COL4A3: variants seen among roughly 807,000 people sequenced by gnomAD.
COL4A3 encodes collagen alpha-3(IV) chain.
A neutral mutation model predicts 217.4 loss-of-function variants in COL4A3; 135 were observed. The ratio of observed to expected loss-of-function variants is 0.62; its 90% CI spans 0.54 to 0.72. The LOEUF is 0.72. COL4A3 is among the 30% of genes least tolerant of loss of function. The pLI is 0.00. For missense variants in COL4A3, 1,868 were observed against 2,119.9 expected (o/e 0.88, Z 2.33); for synonymous variants, 690 against 736.3 (o/e 0.94, Z 1.02).
intron 22 of COL4A3, 26 bp from the exon 23 acceptor site, chr2:227,266,967 G>A: frequency 1.3e-6 from 2 of 1,502,834 alleles, no homozygotes; most frequent in South Asian, 2.3e-5. Context: ...AGCTTTTTAA[G>A]TAATGCTAGT....
rs546634544 is a variant in COL4A3 at position 227,284,099 on chromosome 2, T to C, written c.2747-112T>C. The C allele has an allele frequency of 3.5e-6, 5 of 1,434,790 alleles. No homozygotes were observed. In the African/African-American group the frequency reaches 5.6e-5, roughly 16 times the overall value. The allele number at this position is 1,434,790 out of a possible 1,614,324, so 88.9% of individuals were successfully genotyped here. On this transcript the variant is annotated intron_variant, in intron 33 of 51. Coordinates refer to ENST00000396578, the MANE Select transcript of COL4A3 (RefSeq NM_000091.5). ...ACTATTTATCAAGTTCTCAGCACTG[T>C]TAGCCTTTTTTGTTTGATTTGTTCT...
rs7566682 is a variant in COL4A3, at chr2:227,289,421, A to G, written c.2980+173A>G. ...AGAAGGTGTTGATAGTTGGCGTGTC[A>G]TTAACTAACATACATTAACCTACAA... On this transcript the variant is annotated intron_variant, in intron 35 of 51. Coordinates refer to ENST00000396578, the MANE Select transcript of COL4A3 (RefSeq NM_000091.5). 0.81 allele frequency among the ~76,000 whole-genome samples: 122,828 copies of G among 152,110 alleles called. 50,784 individuals carry two copies. Among genetic ancestry groups the G allele is most frequent in the Non-Finnish European group, 0.91 (61,705 of 68,012 alleles).
At chr2:227,258,426 C>T (rs1302913774) in intron 18 of COL4A3, among the ~76,000 whole-genome samples, 2 of 152,196 alleles carry the variant, frequency 1.3e-5, no homozygotes, top group Admixed American at 6.5e-5. Context: ...CATAGAGCCC[C>T]TGTCTTAGTC....
intron 1 of COL4A3, among the ~76,000 whole-genome samples, chr2:227,193,468 CT>C (rs2066320615): frequency 6.6e-6 from 1 of 152,142 alleles, no homozygotes; most frequent in Non-Finnish European, 1.5e-5. Context: ...AATCCTAGCA[CT>C]TGGGGAGGCC....
chr2:227,218,769 T>G (rs1345024659), intron 1 of COL4A3, among the ~76,000 whole-genome samples: 1 of 152,244 alleles, frequency 6.6e-6, no homozygotes, highest in East Asian at 1.9e-4. Context: ...AGATATCTGA[T>G]GCTTAACGTT....
intron 11 of COL4A3, among the ~76,000 whole-genome samples, 185 bp downstream of exon 11, chr2:227,251,556 C>T (rs1388592536): frequency 6.6e-6 from 1 of 152,114 alleles, no homozygotes; most frequent in African/African-American, 2.4e-5. Flanking sequence ...TACCTTGATC[C>T]CTGATACAAA....
intron 34 of COL4A3, among the ~76,000 whole-genome samples, chr2:227,284,547 AT>A (rs1025196767): frequency 6.6e-5 from 10 of 152,256 alleles, no homozygotes; most frequent in African/African-American, 2.4e-4. Flanking sequence ...GATGTGTAAC[AT>A]TTTTATTTCT....
At chr2:227,239,996 T>C in intron 2 of COL4A3, 147 bp from the exon 3 acceptor site, 1 of 780,976 alleles carries the variant, frequency 1.3e-6, no homozygotes, top group South Asian at 1.5e-5. Context: ...CACTCCTGAG[T>C]GCTAATTATG....
chr2:227,164,865 G>A lies in COL4A3; in HGVS notation c.87+52G>A. 1.4e-6 allele frequency: 2 copies of A among 1,435,018 alleles called. No individual in the cohort carries two copies. Among genetic ancestry groups the A allele is most frequent in the Non-Finnish European group, 1.8e-6 (2 of 1,101,384 alleles). The allele number at this position is 1,435,018 out of a possible 1,614,324, so 88.9% of individuals were successfully genotyped here. On this transcript the variant is annotated intron_variant, in intron 1 of 51. Transcript: ENST00000396578. This position sits in a 1 kb window ranked among gnomAD's most constrained non-coding sequence, Gnocchi z 4.8. ...CCCCGCACTTCCATCCCTCCTCCAC[G>A]CGTCCGGGGGACGCGCTGGCCCCAC...
chr2:227,311,046 C>T, intron 51 of COL4A3, 98 bp downstream of exon 51: 1 of 1,297,916 alleles, frequency 7.7e-7, no homozygotes, highest in Admixed American at 1.7e-5. Flanking sequence ...TGATTTTGTA[C>T]TACTGTGCCA....
intron 1 of COL4A3, among the ~76,000 whole-genome samples, chr2:227,174,935 A>G (rs1300775399): frequency 6.6e-6 from 1 of 152,232 alleles, no homozygotes; most frequent in Non-Finnish European, 1.5e-5. Flanking sequence ...TGATGGAGTT[A>G]GAAGGCAGCA....
Position 227,223,230 on chromosome 2 carries a change from A to AG in COL4A3, c.88-14734dup, listed in dbSNP as rs763825679. On this transcript the variant is annotated intron_variant, in intron 1 of 51. Coordinates refer to ENST00000396578, the MANE Select transcript of COL4A3 (RefSeq NM_000091.5). Reference sequence around the variant, plus strand: ...CCTGCTCACTGAGGATGGGATCTCGAGGGGAAAAGTATGGTTACTAAAGAC... The same window carrying AG: ...CCTGCTCACTGAGGATGGGATCTCGAGGGGGAAAAGTATGGTTACTAAAGAC... Among the ~76,000 whole-genome samples the AG allele has an allele frequency of 3.3e-5, 5 of 152,202 alleles. No homozygotes were observed. In the East Asian group the frequency reaches 7.7e-4, roughly 24 times the overall value.
rs1485357053 is a variant in COL4A3 at position 227,240,232 on chromosome 2, G to A, written c.234G>A (p.Lys78=). 12 of 1,608,102 alleles carry A rather than the reference G, an allele frequency of 7.5e-6. No individual in the cohort carries two copies. The highest frequency in any genetic ancestry group is 1.0e-5 in the Non-Finnish European group (12 of 1,177,472). ...PEGLPGPQGP[K]GFPGLPGLTG... ...GCTTGCCTGGACCGCAGGGACCCAAGGTATGTCATCCTGCAAGCTTGGAAA... is the reference window on the plus strand; with the variant it reads ...GCTTGCCTGGACCGCAGGGACCCAAAGTATGTCATCCTGCAAGCTTGGAAA... Residue 78 remains lysine (K), a splice_region_variant and synonymous_variant, in exon 3 of 52, where the codon AAG becomes AAA. Coordinates refer to ENST00000396578, the MANE Select transcript of COL4A3 (RefSeq NM_000091.5).
rs765416165 is a variant in COL4A3 at position 227,307,775 on chromosome 2, A to G, written c.4318A>G (p.Thr1440Ala). 3 of 1,614,148 alleles carry G rather than the reference A, an allele frequency of 1.9e-6. No homozygotes were observed. Among genetic ancestry groups the G allele is most frequent in the Non-Finnish European group, 2.5e-6 (3 of 1,179,994 alleles). Residue 1440 changes from threonine (T) to alanine (A), a missense_variant, in exon 48 of 52, where the codon ACC becomes GCC. By Grantham distance (58) the Thr-to-Ala change is moderately conservative (BLOSUM62 0). This residue lies in a region of COL4A3 where 1,503 missense variants were observed against 1,786.1 expected (regional missense o/e 0.84). Coordinates refer to ENST00000396578, the MANE Select transcript of COL4A3 (RefSeq NM_000091.5). ...GKRGDSGSPA[T>A]WTTRGFVFTR... Reference sequence around the variant, plus strand: ...ACGTGGAGACAGTGGATCACCTGCAACCTGGACAACGAGAGGCTTTGTCTT... The same window carrying G: ...ACGTGGAGACAGTGGATCACCTGCAGCCTGGACAACGAGAGGCTTTGTCTT...
chr2:227,296,061 T>A (rs1411933285), intron 41 of COL4A3, among the ~76,000 whole-genome samples: 1 of 152,222 alleles, frequency 6.6e-6, no homozygotes, highest in Non-Finnish European at 1.5e-5. Flanking sequence ...TAGTTATTGA[T>A]GTTCACGCAA....
chr2:227,171,062 A>G (rs148392923), intron 1 of COL4A3, among the ~76,000 whole-genome samples: 1 of 152,216 alleles, frequency 6.6e-6, no homozygotes, highest in Non-Finnish European at 1.5e-5. Context: ...AAAGTGAATT[A>G]ACAAATGTAG....
intron 1 of COL4A3, among the ~76,000 whole-genome samples, chr2:227,205,334 AT>A (rs1436882393): frequency 1.3e-5 from 2 of 152,134 alleles, no homozygotes; most frequent in Admixed American, 6.5e-5. Context: ...ATTCTATCAA[AT>A]AAAATAAATT....
At chr2:227,244,872 A>T in intron 4 of COL4A3, 79 bp from the exon 5 acceptor site, 1 of 1,394,298 alleles carries the variant, frequency 7.2e-7, no homozygotes. Context: ...TCGCAATGGT[A>T]AATAAATTTA....
rs2073395420 is a variant in COL4A3 at position 227,303,901 on chromosome 2, C to G, written c.3998C>G (p.Pro1333Arg). ...GGATTTCTAGGATCCATTGGACCTC[C>G]AGGACCAATTGGGCCAAAAGGACCA... Reference protein sequence around the residue: ...NPGFLGSIGPPGPIGPKGPPG... With the variant: ...NPGFLGSIGPRGPIGPKGPPG... The change falls in exon 45 of 52, where the codon CCA becomes CGA. Residue 1333 changes from proline to arginine, a missense_variant. Physicochemically the swap from Pro to Arg is moderately radical, Grantham distance 103 (BLOSUM62 -2). Coordinates refer to ENST00000396578, the MANE Select transcript of COL4A3 (RefSeq NM_000091.5). 6.2e-7 allele frequency: 1 copy of G among 1,614,116 alleles called. No individual in the cohort carries two copies. The highest frequency in any genetic ancestry group is 1.1e-5 in the South Asian group (1 of 91,084).
Sources: allele counts gnomAD v4.1 joint callset (sites outside exome capture counted in the v4.1 genomes callset), GRCh38; gene constraint gnomAD v4.1.1; regional missense constraint gnomAD v4.1.1; non-coding constraint Gnocchi (gnomAD v3.1); transcripts MANE v1.5; gene names NCBI Gene and HGNC (gene_info 2026-07-23, HGNC 2026-07-21).